The following NPAS3 variants were observed in gnomAD, a reference collection of about 807,000 sequenced individuals.
NPAS3 encodes neuronal PAS domain-containing protein 3.
Under a neutral mutation model 73.1 loss-of-function variants are expected in NPAS3, and 14 were observed. The ratio of observed to expected loss-of-function variants is 0.19; its 90% CI spans 0.13 to 0.30. The LOEUF (loss-of-function observed/expected upper bound fraction) is 0.30, where lower values mean the gene tolerates loss of function less well. NPAS3 is among the 10% of genes least tolerant of loss of function. The pLI is 1.00. For synonymous variants in NPAS3, 620 were observed against 541.5 expected (o/e 1.14, Z -2.01); for missense variants, 1,096 against 1,250.0 (o/e 0.88, Z 1.86).
chr14:33,266,501 C>T (rs2040822723), intron 3 of NPAS3, among the ~76,000 whole-genome samples: 1 of 152,174 alleles, frequency 6.6e-6, no homozygotes, highest in Non-Finnish European at 1.5e-5. Flanking sequence ...TTTACTGCTT[C>T]AGGAACTTAC....
At chr14:33,743,595 A>C (rs1478166965) in intron 7 of NPAS3, among the ~76,000 whole-genome samples, 1 of 152,230 alleles carries the variant, frequency 6.6e-6, no homozygotes, top group Non-Finnish European at 1.5e-5. Flanking sequence ...GCTTCAACTT[A>C]AAGTCACCAG....
intron 3 of NPAS3, among the ~76,000 whole-genome samples, chr14:33,248,271 G>C (rs952367337): frequency 6.6e-6 from 1 of 152,160 alleles, no homozygotes; most frequent in African/African-American, 2.4e-5. Flanking sequence ...GTTTAGTCTG[G>C]ACACTGCCAC....
chr14:33,261,888 C>T (rs191822511), intron 3 of NPAS3, among the ~76,000 whole-genome samples: 1 of 152,202 alleles, frequency 6.6e-6, no homozygotes, highest in East Asian at 1.9e-4. Flanking sequence ...TAGCAATGAT[C>T]ATGAGGAGTC....
chr14:33,628,953 C>T (rs905616600), intron 5 of NPAS3, among the ~76,000 whole-genome samples: 4 of 151,794 alleles, frequency 2.6e-5, no homozygotes, highest in South Asian at 4.2e-4. Context: ...TGGAGCGGGC[C>T]GGGCGCAGTG....
At chr14:33,341,659 A>G (rs2044489882) in intron 3 of NPAS3, among the ~76,000 whole-genome samples, 1 of 152,102 alleles carries the variant, frequency 6.6e-6, no homozygotes, top group South Asian at 2.1e-4. Context: ...AAATGCAGTG[A>G]TACCTGTACT....
intron 9 of NPAS3, among the ~76,000 whole-genome samples, chr14:33,780,416 A>G (rs2062942737): frequency 6.6e-6 from 1 of 152,236 alleles, no homozygotes; most frequent in Admixed American, 6.5e-5. Flanking sequence ...GGAATAATAC[A>G]GGCTAGAGAT....
intron 2 of NPAS3, among the ~76,000 whole-genome samples, chr14:33,175,478 G>T (rs993745912): frequency 5.3e-5 from 8 of 152,220 alleles, no homozygotes; most frequent in African/African-American, 1.7e-4. Context: ...AAATAAAATG[G>T]AAGCGGTGTT....
At chr14:32,985,318 T>G (rs2139428270) in intron 1 of NPAS3, among the ~76,000 whole-genome samples, 1 of 152,272 alleles carries the variant, frequency 6.6e-6, no homozygotes, top group Non-Finnish European at 1.5e-5. Context: ...AGCTACACAA[T>G]TTAGAGGCTA....
chr14:33,461,716 G>T (rs2050274058), intron 4 of NPAS3, among the ~76,000 whole-genome samples: 1 of 152,198 alleles, frequency 6.6e-6, no homozygotes, highest in Non-Finnish European at 1.5e-5. Flanking sequence ...AGTATCCAAT[G>T]ATAAGGTTAT....
intron 1 of NPAS3, among the ~76,000 whole-genome samples, chr14:33,052,870 A>T (rs755525141): frequency 3.4e-4 from 51 of 152,046 alleles, no homozygotes; most frequent in Admixed American, 1.7e-3. Context: ...AGGAGGTTTA[A>T]TATCTTACTT....
At chr14:33,049,826 C>T (rs951460239) in intron 1 of NPAS3, among the ~76,000 whole-genome samples, 1 of 152,196 alleles carries the variant, frequency 6.6e-6, no homozygotes, top group Admixed American at 6.5e-5. Context: ...CCTCAGACAT[C>T]AGGGAGGTAA....
At chr14:33,379,534 C>T (rs952162553) in intron 4 of NPAS3, among the ~76,000 whole-genome samples, 4 of 152,032 alleles carry the variant, frequency 2.6e-5, no homozygotes, top group South Asian at 2.1e-4. Flanking sequence ...TTTTTGTTAC[C>T]GGCATCAGCT....
At chr14:32,967,143 C>T (rs2037208405) in intron 1 of NPAS3, among the ~76,000 whole-genome samples, 1 of 152,246 alleles carries the variant, frequency 6.6e-6, no homozygotes, top group African/African-American at 2.4e-5. Context: ...AGACCAACCC[C>T]TCCTCTTTCT....
intron 2 of NPAS3, among the ~76,000 whole-genome samples, chr14:33,193,576 A>G (rs1341801462): frequency 6.6e-6 from 1 of 152,212 alleles, no homozygotes; most frequent in African/African-American, 2.4e-5. Flanking sequence ...TTACAATTCT[A>G]TCTGAAAAGT....
chr14:33,497,783 C>T (rs1308002345), intron 4 of NPAS3, among the ~76,000 whole-genome samples: 1 of 152,056 alleles, frequency 6.6e-6, no homozygotes, highest in Non-Finnish European at 1.5e-5. Flanking sequence ...AAGACATAGG[C>T]ATGGGCAGAC....
intron 3 of NPAS3, among the ~76,000 whole-genome samples, chr14:33,325,087 C>T (rs2043632501): frequency 6.6e-6 from 1 of 152,094 alleles, no homozygotes; most frequent in South Asian, 2.1e-4. Flanking sequence ...CAACTATATA[C>T]TGGTATGTGG....
chr14:33,682,342 G>A (rs914889786), intron 6 of NPAS3, among the ~76,000 whole-genome samples: 21 of 152,190 alleles, frequency 1.4e-4, no homozygotes, highest in Non-Finnish European at 3.1e-4. Context: ...CTAGCAGTCA[G>A]AAAGCAGCCT....
intron 6 of NPAS3, among the ~76,000 whole-genome samples, chr14:33,687,028 GA>G (rs1424265794): frequency 1.3e-5 from 2 of 152,306 alleles, no homozygotes; most frequent in Admixed American, 1.3e-4. Context: ...TAGACCTTGA[GA>G]AGAAACATTT....
intron 3 of NPAS3, among the ~76,000 whole-genome samples, chr14:33,352,591 T>C (rs1254790219): frequency 6.6e-6 from 1 of 152,192 alleles, no homozygotes; most frequent in African/African-American, 2.4e-5. Flanking sequence ...GGCTGTTATT[T>C]AGAAATAAAT....
Sources: gnomAD v4.1 joint callset for allele counts (sites outside exome capture counted in the v4.1 genomes callset) on GRCh38, gnomAD v4.1.1 for gene constraint, MANE v1.5 for transcripts, NCBI Gene and HGNC (gene_info 2026-07-23, HGNC 2026-07-21) for gene names.